RUFY4: variants seen among roughly 807,000 people sequenced by gnomAD.
The protein encoded by RUFY4 is RUN and FYVE domain-containing protein 4.
Under a neutral mutation model 69.0 loss-of-function variants are expected in RUFY4, and 73 were observed. The observed-to-expected ratio is 1.06, with a 90% CI of 0.88 to 1.29. The LOEUF (loss-of-function observed/expected upper bound fraction) is 1.29, where lower values mean the gene tolerates loss of function less well. Ranked by LOEUF, RUFY4 falls within the 50% of genes most tolerant of loss-of-function variation. The pLI, the probability that RUFY4 is intolerant of heterozygous loss-of-function variation, is 0.00. For missense variants in RUFY4, 770 were observed against 705.6 expected (o/e 1.09, Z -1.03); for synonymous variants, 287 against 271.8 (o/e 1.06, Z -0.55).
chr2:218,075,033 T>A lies in RUFY4; in HGVS notation c.601-60T>A, dbSNP rs1391039952. 7.6e-6 allele frequency: 11 copies of A among 1,440,908 alleles called. No individual in the cohort carries two copies. The Admixed American group carries it at 2.1e-4, about 28-fold the overall frequency. The allele number at this position is 1,440,908 out of a possible 1,614,324, so 89.3% of individuals were successfully genotyped here. A position where few individuals can be genotyped will look rare whatever the true frequency, so the allele number is the denominator to read the frequency against. Reference sequence around the variant, plus strand: ...AGATTAGCACTGTGGCCTAATCTAATGGCACCAGGTCAGTGAATTGGTGCT... The same window carrying A: ...AGATTAGCACTGTGGCCTAATCTAAAGGCACCAGGTCAGTGAATTGGTGCT... On this transcript the variant is annotated intron_variant, in intron 6 of 10. Coordinates refer to ENST00000344321, the Ensembl canonical transcript of RUFY4.
rs934043 is a variant in RUFY4 at position 218,035,572 on chromosome 2, G to A, written c.-1158+178G>A. On this transcript the variant is annotated intron_variant and NMD_transcript_variant, in intron 2 of 13. Coordinates refer to the RUFY4 transcript ENST00000457754. Reference sequence around the variant, plus strand: ...TGTCCCACTGCTGTACCACTGCCACGCCACCCCAAACTCCAGCAGCCACAG... The same window carrying A: ...TGTCCCACTGCTGTACCACTGCCACACCACCCCAAACTCCAGCAGCCACAG... 6.6e-3 allele frequency among the ~76,000 whole-genome samples: 1,008 copies of A among 151,842 alleles called. 3 individuals are homozygous for A. Among genetic ancestry groups the A allele is most frequent in the African/African-American group, 0.022 (926 of 41,406 alleles).
At chr2:218,061,449 G>A (rs945193895) in intron 3 of RUFY4, 2 of 205,492 alleles carry the variant, frequency 9.7e-6, no homozygotes, top group Non-Finnish European at 2.0e-5. Context: ...ATAGAAGAGA[G>A]AAGAGGATTA....
intron 9 of RUFY4, among the ~76,000 whole-genome samples, chr2:218,084,700 T>C (rs1247605980): frequency 6.6e-6 from 1 of 152,050 alleles, no homozygotes; most frequent in African/African-American, 2.4e-5. Flanking sequence ...GAATTTAAGG[T>C]AGCCAACAAT....
At chr2:218,078,157 A>G (rs1689679056) in intron 8 of RUFY4, among the ~76,000 whole-genome samples, 1 of 152,232 alleles carries the variant, frequency 6.6e-6, no homozygotes, top group African/African-American at 2.4e-5. Context: ...AGGCAATAAA[A>G]GTGATTAGCA....
intron 2 of RUFY4, among the ~76,000 whole-genome samples, chr2:218,039,937 C>T (rs951358234): frequency 6.6e-6 from 1 of 152,190 alleles, no homozygotes; most frequent in Non-Finnish European, 1.5e-5. Context: ...TGTCCAAACG[C>T]AGCTCAAGTG....
intron 2 of RUFY4, among the ~76,000 whole-genome samples, chr2:218,049,355 G>A (rs1688894375): frequency 6.6e-6 from 1 of 152,124 alleles, no homozygotes; most frequent in African/African-American, 2.4e-5. Flanking sequence ...TAATTTTGCT[G>A]AATATGATAT....
intron 8 of RUFY4, among the ~76,000 whole-genome samples, chr2:218,077,701 T>C (rs1689668795): frequency 6.6e-6 from 1 of 152,284 alleles, no homozygotes. Flanking sequence ...GTAGCTGTGA[T>C]TCAGCCTGAA....
At chr2:218,066,780 T>G (rs937059813), upstream of RUFY4, among the ~76,000 whole-genome samples, 4 of 152,268 alleles carry the variant, frequency 2.6e-5, no homozygotes, top group Non-Finnish European at 5.9e-5. Context: ...ATGTCTGTTT[T>G]CTGTTCCAGA....
intron 7 of RUFY4, among the ~76,000 whole-genome samples, chr2:218,076,080 C>A (rs569788131): frequency 6.6e-6 from 1 of 152,202 alleles, no homozygotes; most frequent in South Asian, 2.1e-4. Flanking sequence ...AGTCTCTTCC[C>A]GAAATCTAAG....
chr2:218,089,741 G>A lies in RUFY4; in HGVS notation c.1614-211G>A, dbSNP rs1391088482. 4.3e-6 allele frequency: 3 copies of A among 704,580 alleles called. No individual in the cohort carries two copies. In the South Asian group the frequency reaches 4.4e-5, roughly 10 times the overall value. 43.6% of individuals were successfully genotyped at this position (704,580 alleles called of 1,614,324 possible). The stretch of plus-strand genomic sequence containing the variant: ...GTGAGCCACCAGGAGAAGCTGCCAT[G>A]TGGAGGTGGAGGCTCTGGAGGGGTC... On this transcript the variant is annotated intron_variant, in intron 10 of 10. Coordinates refer to ENST00000344321, the Ensembl canonical transcript of RUFY4.
chr2:218,076,648 C>G (rs904093002), intron 8 of RUFY4, 115 bp downstream of exon 10: 3 of 1,459,866 alleles, frequency 2.1e-6, no homozygotes, highest in Non-Finnish European at 2.7e-6. Flanking sequence ...AGGCCCTGGA[C>G]TGGGCACACC....
chr2:218,072,269 G>C, intron 2 of RUFY4, 105 bp from the exon 5 acceptor site: 2 of 1,390,456 alleles, frequency 1.4e-6, no homozygotes, highest in Non-Finnish European at 1.9e-6. Context: ...GGGTGTGTCT[G>C]CAGGAGCCCT....
At chr2:218,083,233 G>A (rs773612914) in exon 9 of RUFY4, 11 of 1,611,570 alleles carry the variant, frequency 6.8e-6, no homozygotes, top group African/African-American at 1.3e-5. Context: ...AGGCCATGAA[G>A]AGGCGGGTGT....
chr2:218,049,038 C>T (rs1688887656), intron 2 of RUFY4, among the ~76,000 whole-genome samples: 1 of 152,128 alleles, frequency 6.6e-6, no homozygotes, highest in African/African-American at 2.4e-5. Context: ...CTTGCATTTG[C>T]CCTTGATTAC....
chr2:218,046,869 C>T (rs1365092359), intron 2 of RUFY4, among the ~76,000 whole-genome samples: 1 of 152,078 alleles, frequency 6.6e-6, no homozygotes, highest in African/African-American at 2.4e-5. Context: ...CTTCTGGAAA[C>T]TCTCAATGTT....
At chr2:218,045,703 T>A (rs1688810062) in intron 2 of RUFY4, among the ~76,000 whole-genome samples, 1 of 152,204 alleles carries the variant, frequency 6.6e-6, no homozygotes, top group African/African-American at 2.4e-5. Context: ...AATAGCATAA[T>A]CTTAGTTATC....
chr2:218,058,014 G>A (rs1358760587), intron 2 of RUFY4, among the ~76,000 whole-genome samples: 1 of 152,218 alleles, frequency 6.6e-6, no homozygotes, highest in Non-Finnish European at 1.5e-5. Context: ...CTGTAGGATA[G>A]GTTTGTAGTA....
upstream of RUFY4, among the ~76,000 whole-genome samples, chr2:218,067,730 C>T (rs1005876221): frequency 2.0e-5 from 3 of 152,188 alleles, no homozygotes; most frequent in African/African-American, 7.2e-5. Flanking sequence ...TGCACACCAG[C>T]ACACACACCT....
chr2:218,038,774 A>G (rs1959017497), intron 2 of RUFY4, among the ~76,000 whole-genome samples: 1 of 152,096 alleles, frequency 6.6e-6, no homozygotes, highest in Non-Finnish European at 1.5e-5. Flanking sequence ...TTTCCGATTC[A>G]TTTGCCCTTT....
Sources: gnomAD v4.1 joint callset for allele counts (sites outside exome capture counted in the v4.1 genomes callset) on GRCh38, gnomAD v4.1.1 for gene constraint, MANE v1.5 for transcripts, NCBI Gene and HGNC (gene_info 2026-07-23, HGNC 2026-07-21) for gene names.